The following PDE10A variants were observed in gnomAD, a reference collection of about 807,000 sequenced individuals.
The protein encoded by PDE10A is phosphodiesterase 10A, also known as cAMP and cAMP-inhibited cGMP 3',5'-cyclic phosphodiesterase 10A.
In PDE10A, 39 loss-of-function variants were observed where a neutral mutation model predicts 97.7. The ratio of observed to expected loss-of-function variants is 0.40; its 90% CI spans 0.31 to 0.52. The LOEUF (loss-of-function observed/expected upper bound fraction) is 0.52. Among genes scored for constraint, PDE10A ranks in the 20% least tolerant of loss-of-function variants. The pLI, the probability that PDE10A is intolerant of heterozygous loss-of-function variation, is 0.56. For synonymous variants in PDE10A, 371 were observed against 376.8 expected (o/e 0.98, Z 0.18); for missense variants, 731 against 1,047.8 (o/e 0.70, Z 4.17).
chr6:165,751,500 G>T (rs1793000366), intron 1 of PDE10A, among the ~76,000 whole-genome samples: 1 of 152,178 alleles, frequency 6.6e-6, no homozygotes, highest in African/African-American at 2.4e-5. Context: ...GGGTGCCCTT[G>T]ATGAAGCAGG....
At chr6:165,578,200 T>A (rs1785419285) in intron 1 of PDE10A, among the ~76,000 whole-genome samples, 1 of 152,158 alleles carries the variant, frequency 6.6e-6, no homozygotes, top group Non-Finnish European at 1.5e-5. Context: ...CTCTTTTAGT[T>A]CAACAGACAG....
chr6:165,433,181 T>C (rs2128238865), intron 6 of PDE10A, 52 bp from the exon 7 acceptor site: 2 of 1,359,348 alleles, frequency 1.5e-6, no homozygotes, highest in Non-Finnish European at 1.0e-6. Context: ...GATCATTAAG[T>C]GATGATTCTT....
chr6:165,703,003 C>T (rs906839100), intron 1 of PDE10A, among the ~76,000 whole-genome samples: 2 of 152,206 alleles, frequency 1.3e-5, no homozygotes, highest in Non-Finnish European at 2.9e-5. Context: ...TCCACTTGCC[C>T]GTGCAATTCC....
intron 1 of PDE10A, among the ~76,000 whole-genome samples, chr6:165,731,197 G>A (rs1308165577): frequency 6.6e-6 from 1 of 152,244 alleles, no homozygotes; most frequent in Non-Finnish European, 1.5e-5. Context: ...GTGGCTCCTG[G>A]AGACTCGATA....
At chr6:165,854,112 T>C (rs1480995709) in intron 1 of PDE10A, among the ~76,000 whole-genome samples, 1 of 152,122 alleles carries the variant, frequency 6.6e-6, no homozygotes, top group Non-Finnish European at 1.5e-5. Context: ...GGGAAGCCCG[T>C]GGGCGGTGAG....
chr6:165,622,246 CTCTG>C, intron 1 of PDE10A, among the ~76,000 whole-genome samples: 1 of 151,630 alleles, frequency 6.6e-6, no homozygotes, highest in Non-Finnish European at 1.5e-5. Flanking sequence ...GGCAACCTCT[CTCTG>C]TCTCTGTATA....
intron 1 of PDE10A, among the ~76,000 whole-genome samples, chr6:165,580,357 G>A (rs930144256): frequency 3.3e-5 from 5 of 152,178 alleles, no homozygotes; most frequent in African/African-American, 1.2e-4. Context: ...TGAGAAGGTA[G>A]TGATGCAAGA....
At chr6:165,467,347 T>C (rs1030078673) in intron 3 of PDE10A, among the ~76,000 whole-genome samples, 2 of 152,206 alleles carry the variant, frequency 1.3e-5, no homozygotes, top group African/African-American at 4.8e-5. Flanking sequence ...CTTACAACAC[T>C]GAGGTGTCAT....
chr6:165,474,347 A>C (rs1779176571), intron 3 of PDE10A, among the ~76,000 whole-genome samples: 1 of 152,204 alleles, frequency 6.6e-6, no homozygotes, highest in Non-Finnish European at 1.5e-5. Flanking sequence ...AATAACATAC[A>C]AGATACAAAT....
At chr6:165,510,580 A>G (rs1781451657) in intron 2 of PDE10A, among the ~76,000 whole-genome samples, 1 of 151,868 alleles carries the variant, frequency 6.6e-6, no homozygotes. Flanking sequence ...CTCCTCTTCA[A>G]TTTCTTGGAA....
intron 1 of PDE10A, among the ~76,000 whole-genome samples, chr6:165,717,642 T>C (rs901336100): frequency 2.0e-4 from 30 of 152,338 alleles, no homozygotes; most frequent in African/African-American, 6.7e-4. Context: ...CTTTTGAGTA[T>C]ATATCCAGAA....
intron 1 of PDE10A, among the ~76,000 whole-genome samples, chr6:165,839,967 G>T (rs112936366): frequency 4.0e-3 from 112 of 28,080 alleles, no homozygotes; most frequent in Non-Finnish European, 5.0e-3. Flanking sequence ...CTACATCTCT[G>T]TCTTCATCCC....
chr6:165,478,815 C>T (rs1174562961), intron 3 of PDE10A, among the ~76,000 whole-genome samples: 1 of 152,098 alleles, frequency 6.6e-6, no homozygotes, highest in Non-Finnish European at 1.5e-5. Flanking sequence ...GCTCCAAAAC[C>T]CTTACCTTAA....
intron 1 of PDE10A, among the ~76,000 whole-genome samples, chr6:165,972,487 T>G (rs1422893599): frequency 6.6e-6 from 1 of 152,182 alleles, no homozygotes; most frequent in Non-Finnish European, 1.5e-5. Context: ...CCTACTCTAC[T>G]TATTCCCCGA....
At chr6:165,895,951 G>T (rs1487261467) in intron 1 of PDE10A, among the ~76,000 whole-genome samples, 1 of 152,218 alleles carries the variant, frequency 6.6e-6, no homozygotes, top group Non-Finnish European at 1.5e-5. Context: ...CACAGAAACA[G>T]AAACAAGCAT....
chr6:165,751,142 C>A (rs1379100453), intron 1 of PDE10A, among the ~76,000 whole-genome samples: 1 of 152,152 alleles, frequency 6.6e-6, no homozygotes, highest in African/African-American at 2.4e-5. Flanking sequence ...CGCTCACTGA[C>A]GTCACATTTC....
At chr6:165,544,571 G>C (rs1225913318) in intron 1 of PDE10A, among the ~76,000 whole-genome samples, 10 of 105,856 alleles carry the variant, frequency 9.4e-5, no homozygotes, top group African/African-American at 6.2e-5. Flanking sequence ...GGGATGGTTA[G>C]GTTAAAAAAA....
chr6:165,378,684 A>G (rs904199655), intron 18 of PDE10A, among the ~76,000 whole-genome samples: 16 of 152,304 alleles, frequency 1.1e-4, no homozygotes, highest in African/African-American at 3.8e-4. Context: ...TAAACTTTTC[A>G]TTGCTACTTG....
intron 1 of PDE10A, among the ~76,000 whole-genome samples, chr6:165,725,322 C>T (rs772632039): frequency 6.6e-6 from 1 of 152,200 alleles, no homozygotes; most frequent in Non-Finnish European, 1.5e-5. Flanking sequence ...GATGGCAAAA[C>T]AAAAAGAGCG....
Sources: allele counts gnomAD v4.1 joint callset (sites outside exome capture counted in the v4.1 genomes callset), GRCh38; gene constraint gnomAD v4.1.1; transcripts MANE v1.5; gene names NCBI Gene and HGNC (gene_info 2026-07-23, HGNC 2026-07-21).